The following PLAAT3 variants were observed in gnomAD, a reference collection of about 807,000 sequenced individuals.
PLAAT3 encodes phospholipase A and acyltransferase 3.
Under a neutral mutation model 16.7 loss-of-function variants are expected in PLAAT3, and 21 were observed. The observed-to-expected ratio is 1.26, with a 90% CI of 0.89 to 1.81. The LOEUF is 1.81. Among genes scored for constraint, PLAAT3 ranks in the 40% most tolerant of loss-of-function variants. The probability of loss-of-function intolerance (pLI) is 0.00; values close to 1 mark genes in which losing one functional copy is unlikely to be tolerated. For synonymous variants in PLAAT3, 76 were observed against 81.7 expected, an observed-to-expected ratio of 0.93 and a Z score of 0.38; for missense variants, 219 against 213.7, an observed-to-expected ratio of 1.02 and a Z score of -0.16.
At chr11:63,604,229 T>C (rs1938502173) in intron 2 of PLAAT3, among the ~76,000 whole-genome samples, 1 of 152,238 alleles carries the variant, frequency 6.6e-6, no homozygotes, top group Admixed American at 6.5e-5. Context: ...AGCTGTTATA[T>C]ATTACATACG....
At chr11:63,606,425 A>AACACACACACACACACACAC (rs34044017) in intron 2 of PLAAT3, among the ~76,000 whole-genome samples, 227 of 140,198 alleles carry the variant, frequency 1.6e-3, no homozygotes, top group African/African-American at 3.8e-3. Flanking sequence ...TCTACTATAA[A>AACACACACACACACACACAC]ACACACACAC....
At chr11:63,584,167 CCCA>C (rs1937898796) in intron 4 of PLAAT3, among the ~76,000 whole-genome samples, 1 of 151,758 alleles carries the variant, frequency 6.6e-6, no homozygotes, top group Admixed American at 6.6e-5. Context: ...AAAATAATAC[CCCA>C]CAATTTATCC....
At chr11:63,605,456 A>G (rs1267961836) in intron 2 of PLAAT3, among the ~76,000 whole-genome samples, 1 of 152,192 alleles carries the variant, frequency 6.6e-6, no homozygotes, top group Non-Finnish European at 1.5e-5. Flanking sequence ...TATACCTGCC[A>G]CACAGATTGT....
intron 2 of PLAAT3, among the ~76,000 whole-genome samples, chr11:63,605,287 A>G (rs1938527226): frequency 6.6e-6 from 1 of 151,940 alleles, no homozygotes; most frequent in Admixed American, 6.5e-5. Context: ...AATCTCAGCT[A>G]CTCGGGAGGC....
chr11:63,597,836 T>A (rs1938328539), intron 3 of PLAAT3, among the ~76,000 whole-genome samples: 1 of 152,268 alleles, frequency 6.6e-6, no homozygotes, highest in Middle Eastern at 3.4e-3. Flanking sequence ...GGCCTGGAGG[T>A]TGGGGACCCC....
intron 1 of PLAAT3, 55 bp from the exon 2 acceptor site, chr11:63,614,123 AC>A: frequency 1.4e-6 from 2 of 1,458,066 alleles, no homozygotes; most frequent in Non-Finnish European, 1.9e-6. Context: ...GCGTCTCCAG[AC>A]CCCACGGGAC....
At position 63,613,981 on chromosome 11, in the gene PLAAT3, CG is replaced by C; in HGVS notation, c.15+18del. On this transcript the variant is annotated intron_variant, in intron 2 of 4. Coordinates refer to ENST00000415826, the MANE Select transcript of PLAAT3 (RefSeq NM_001128203.2). ...GGGGGCTCCCAGCCCCGCCCAGCCCCGCCTCGCCCCGCACTTACAATGGGCG... is the reference window on the plus strand; with the variant it reads ...GGGGGCTCCCAGCCCCGCCCAGCCCCCCTCGCCCCGCACTTACAATGGGCG... 6.5e-7 allele frequency: 1 copy of C among 1,530,282 alleles called. No homozygotes were observed. The highest frequency in any genetic ancestry group is 9.1e-7 in the Non-Finnish European group (1 of 1,104,334). 94.8% of individuals were successfully genotyped at this position (1,530,282 alleles called of 1,614,324 possible).
At chr11:63,593,094 GC>G (rs780479081) in intron 3 of PLAAT3, among the ~76,000 whole-genome samples, 10 of 152,176 alleles carry the variant, frequency 6.6e-5, no homozygotes, top group South Asian at 2.1e-4. Flanking sequence ...CAATACTGAG[GC>G]CCTACTGGGT....
At chr11:63,590,032 T>G in intron 4 of PLAAT3, 68 bp downstream of exon 4, 1 of 1,492,188 alleles carries the variant, frequency 6.7e-7, no homozygotes, top group Non-Finnish European at 9.2e-7. Context: ...TCCATAGCCA[T>G]GCCCAGCCTC....
chr11:63,595,014 T>C (rs997662043), intron 3 of PLAAT3, among the ~76,000 whole-genome samples: 6 of 151,932 alleles, frequency 3.9e-5, no homozygotes, highest in African/African-American at 1.2e-4. Context: ...TCAAGGGCCG[T>C]GCGCGGTGGC....
intron 3 of PLAAT3, among the ~76,000 whole-genome samples, chr11:63,595,647 T>C (rs1266858651): frequency 1.2e-4 from 19 of 152,116 alleles, no homozygotes. Context: ...TCAGGGTAAG[T>C]GGCACAGTGG....
intron 4 of PLAAT3, among the ~76,000 whole-genome samples, chr11:63,586,526 G>A (rs776127242): frequency 1.3e-5 from 2 of 152,174 alleles, no homozygotes; most frequent in Admixed American, 6.5e-5. Context: ...TATTCTTAAC[G>A]TAGAACTCTG....
intron 3 of PLAAT3, among the ~76,000 whole-genome samples, chr11:63,592,832 A>G (rs1244886694): frequency 6.6e-6 from 1 of 152,352 alleles, no homozygotes; most frequent in East Asian, 1.9e-4. Flanking sequence ...GCACTTCAGC[A>G]AGTTTATAAG....
At chr11:63,584,387 G>A (rs1216876387) in intron 4 of PLAAT3, among the ~76,000 whole-genome samples, 2 of 151,284 alleles carry the variant, frequency 1.3e-5, no homozygotes, top group Non-Finnish European at 2.9e-5. Context: ...TTAGGTAGGT[G>A]GAAAGTAGGA....
chr11:63,590,012 TG>T, intron 4 of PLAAT3, 87 bp downstream of exon 4: 1 of 1,305,146 alleles, frequency 7.7e-7, no homozygotes, highest in Non-Finnish European at 1.1e-6. Flanking sequence ...TATTTTGTCT[TG>T]TTCATGCCTC....
intron 4 of PLAAT3, among the ~76,000 whole-genome samples, chr11:63,583,504 C>CCA (rs1937881527): frequency 2.0e-5 from 3 of 152,200 alleles, no homozygotes; most frequent in African/African-American, 4.8e-5. Context: ...TGTGGCCATG[C>CCA]TTTGTACATA....
At chr11:63,610,702 A>G (rs1315957260) in intron 2 of PLAAT3, among the ~76,000 whole-genome samples, 4 of 152,236 alleles carry the variant, frequency 2.6e-5, no homozygotes, top group African/African-American at 9.6e-5. Context: ...GACGGAGTCT[A>G]GACTCAGAGA....
chr11:63,587,212 T>A lies in PLAAT3; in HGVS notation c.387+2888A>T, dbSNP rs572312354. On this transcript the variant is annotated intron_variant, in intron 4 of 4. Transcript: ENST00000415826. ...TACAAACTGGAAAATTTCCAAGAAC[T>A]AAAGAAAGTGAGTTTCCAAGTACCT... Among the ~76,000 whole-genome samples the A allele has an allele frequency of 2.3e-4, 35 of 152,134 alleles. No homozygotes were observed. The South Asian group carries it at 7.3e-3, about 32-fold the overall frequency.
At position 63,575,000 on chromosome 11, in the gene PLAAT3, G is replaced by T. The variant is rs1331246582; in HGVS notation, c.434C>A (p.Ala145Glu). 3 of 1,613,240 alleles carry T rather than the reference G, an allele frequency of 1.9e-6. No homozygotes were observed. The Admixed American group carries it at 5.0e-5, about 27-fold the overall frequency. Residue 145 changes from alanine to glutamate, a missense_variant, in exon 5 of 5, where the codon GCA becomes GAA. Physicochemically the swap from Ala to Glu is moderately radical, Grantham distance 107. Transcript: ENST00000415826. ...CATGACTCCAATAAGGCTCATGGCT[G>T]CCAAGCCCATTCCTGCAACGCTTGC... ...IAASVAGMGL[A>E]AMSLIGVMFS...
Sources: gnomAD v4.1 joint callset for allele counts (sites outside exome capture counted in the v4.1 genomes callset) on GRCh38, gnomAD v4.1.1 for gene constraint, MANE v1.5 for transcripts, NCBI Gene and HGNC (gene_info 2026-07-23, HGNC 2026-07-21) for gene names.